The following SAP130 variants were observed in gnomAD, a reference collection of about 807,000 sequenced individuals.
SAP130 encodes the protein histone deacetylase complex subunit SAP130.
A neutral mutation model predicts 103.2 loss-of-function variants in SAP130; 16 were observed. The observed-to-expected ratio is 0.16, with a 90% CI of 0.10 to 0.24. SAP130 has a LOEUF of 0.24. SAP130 is among the 10% of genes least tolerant of loss of function. SAP130 has a pLI of 1.00. For synonymous variants in SAP130, 477 were observed against 497.0 expected (o/e 0.96, Z 0.53); for missense variants, 990 against 1,359.7 (o/e 0.73, Z 4.28).
At chr2:127,998,941 G>A (rs1215685375) in intron 10 of SAP130, among the ~76,000 whole-genome samples, 1 of 152,222 alleles carries the variant, frequency 6.6e-6, no homozygotes, top group Non-Finnish European at 1.5e-5. Context: ...GAAATGGGCT[G>A]AGATGGCAAT....
At chr2:127,967,144 A>G (rs2461441) in intron 15 of SAP130, among the ~76,000 whole-genome samples, 119,445 of 152,118 alleles carry the variant, frequency 0.79, 48,357 homozygotes, top group Non-Finnish European at 0.88. Context: ...AAAGGGCATA[A>G]AGTTTCAGTT....
Position 128,013,146 on chromosome 2 carries a change from C to A in SAP130, c.628G>T (p.Ala210Ser). ...GASHLPRGAAAAAVMSSSKVT... is the reference protein window; with the variant it reads ...GASHLPRGAASAAVMSSSKVT... ...TTAGAACTGGACATCACAGCAGCAGCAGCTGCACCTGAAAAAAAAAAAGTG... is the reference window on the plus strand; with the variant it reads ...TTAGAACTGGACATCACAGCAGCAGAAGCTGCACCTGAAAAAAAAAAAGTG... Residue 210 changes from alanine to serine, a missense_variant, in exon 6 of 21, where the codon GCT (alanine) becomes TCT (serine). Around this residue, in one of 6 missense-constraint regions of SAP130, gnomAD observed 336 missense variants for 520.1 expected, o/e 0.65. Coordinates refer to ENST00000643581, the MANE Select transcript of SAP130 (RefSeq NM_001330301.2). The A allele has an allele frequency of 6.3e-7, 1 of 1,590,760 alleles. No homozygotes were observed. The highest frequency in any genetic ancestry group is 1.9e-5 in the Admixed American group (1 of 53,326).
At chr2:127,993,691 C>T (rs1682973890) in intron 11 of SAP130, among the ~76,000 whole-genome samples, 1 of 152,108 alleles carries the variant, frequency 6.6e-6, no homozygotes, top group Non-Finnish European at 1.5e-5. Flanking sequence ...AACAAATAAT[C>T]CCAATTTCAT....
At chr2:127,943,584 G>A (rs998303351) in intron 19 of SAP130, among the ~76,000 whole-genome samples, 3 of 152,174 alleles carry the variant, frequency 2.0e-5, no homozygotes, top group Admixed American at 6.5e-5. Context: ...GGAATAGTGC[G>A]GGAAACTGAA....
At chr2:128,008,826 T>C (rs1006213135) in intron 7 of SAP130, among the ~76,000 whole-genome samples, 35 of 151,734 alleles carry the variant, frequency 2.3e-4, no homozygotes, top group Admixed American at 5.3e-4. Flanking sequence ...GCTGGGACCA[T>C]AGGTACACAC....
chr2:128,024,409 G>A (rs1013784989), intron 2 of SAP130, among the ~76,000 whole-genome samples: 22 of 152,134 alleles, frequency 1.4e-4, no homozygotes, highest in Non-Finnish European at 2.2e-4. Context: ...ATAAGAAAAC[G>A]CAGAGCAATT....
At chr2:128,013,933 A>G (rs186423378) in intron 5 of SAP130, among the ~76,000 whole-genome samples, 1,718 of 152,324 alleles carry the variant, frequency 0.011, 17 homozygotes, top group Middle Eastern at 0.048. Flanking sequence ...TTATTGTTAC[A>G]TAAGTTAAAA....
chr2:128,015,487 T>C (rs1212449234), intron 4 of SAP130, among the ~76,000 whole-genome samples: 1 of 152,152 alleles, frequency 6.6e-6, no homozygotes, highest in East Asian at 1.9e-4. Flanking sequence ...GTACACCTCT[T>C]TGGGATATAA....
intron 10 of SAP130, among the ~76,000 whole-genome samples, chr2:127,998,363 C>CT (rs1683316570): frequency 6.6e-6 from 1 of 152,076 alleles, no homozygotes; most frequent in Admixed American, 6.5e-5. Flanking sequence ...ATTTATTAGG[C>CT]TTTTTTTCTG....
In SAP130 at chr2:128,010,254, A is replaced by G. The variant is rs1334112866; in HGVS notation, c.869+15T>C. 1.3e-5 allele frequency: 21 copies of G among 1,600,570 alleles called. No homozygotes were observed. The highest frequency in any genetic ancestry group is 1.8e-5 in the Non-Finnish European group (21 of 1,171,850). ...GATGGCAGGAAGGTTCAAACTTCAT[A>G]CTCCCCATGTATACCTAAGTGCTGA... On this transcript the variant is annotated intron_variant, in intron 7 of 20. Transcript: ENST00000643581.
intron 1 of SAP130, chr2:128,027,446 C>G (rs963177130): frequency 5.4e-6 from 6 of 1,106,864 alleles, no homozygotes; most frequent in African/African-American, 1.6e-5. Flanking sequence ...CGAGCCTGGC[C>G]GGGGCAGCCC....
At chr2:127,998,470 T>C (rs1683324069) in intron 10 of SAP130, among the ~76,000 whole-genome samples, 1 of 152,256 alleles carries the variant, frequency 6.6e-6, no homozygotes, top group South Asian at 2.1e-4. Flanking sequence ...GATTTTAATA[T>C]GTATGTTTTA....
At chr2:128,008,770 C>CA (rs1397466039) in intron 7 of SAP130, among the ~76,000 whole-genome samples, 1 of 151,724 alleles carries the variant, frequency 6.6e-6, no homozygotes, top group Non-Finnish European at 1.5e-5. Context: ...ACTATAGACT[C>CA]AATCTCCAGG....
chr2:128,009,556 T>A (rs576855443), intron 7 of SAP130, among the ~76,000 whole-genome samples: 2 of 152,314 alleles, frequency 1.3e-5, no homozygotes, highest in African/African-American at 4.8e-5. Flanking sequence ...TATACCCTTC[T>A]ACCCAACTCT....
intron 15 of SAP130, among the ~76,000 whole-genome samples, chr2:127,969,979 C>G (rs1334622297): frequency 6.6e-6 from 1 of 152,150 alleles, no homozygotes; most frequent in Non-Finnish European, 1.5e-5. Context: ...CCTGTAATAC[C>G]AGCACTCTGG....
chr2:128,008,676 C>T (rs1466959711), intron 7 of SAP130, among the ~76,000 whole-genome samples: 4 of 151,164 alleles, frequency 2.6e-5, no homozygotes, highest in African/African-American at 7.3e-5. Context: ...TAGCCTAAAT[C>T]CTTTTCCTGT....
chr2:128,024,440 A>G (rs1573867995), intron 2 of SAP130, among the ~76,000 whole-genome samples: 1 of 152,152 alleles, frequency 6.6e-6, no homozygotes, highest in Non-Finnish European at 1.5e-5. Flanking sequence ...CCAGCTCAGC[A>G]CAGTGACTCA....
intron 6 of SAP130, among the ~76,000 whole-genome samples, chr2:128,012,061 G>A (rs763864482): frequency 6.6e-6 from 1 of 152,108 alleles, no homozygotes; most frequent in African/African-American, 2.4e-5. Context: ...CAATCCGCCC[G>A]CCTTGGCCTC....
chr2:127,961,736 T>C (rs1680267141), intron 15 of SAP130, among the ~76,000 whole-genome samples: 1 of 152,126 alleles, frequency 6.6e-6, no homozygotes, highest in Non-Finnish European at 1.5e-5. Flanking sequence ...AGAAATGCAA[T>C]GCCCAGCCAC....
Sources: gnomAD v4.1 joint callset for allele counts (sites outside exome capture counted in the v4.1 genomes callset) on GRCh38, gnomAD v4.1.1 for gene constraint, gnomAD v4.1.1 regional missense constraint, MANE v1.5 for transcripts, NCBI Gene and HGNC (gene_info 2026-07-23, HGNC 2026-07-21) for gene names.